KMT2C: variants seen among roughly 807,000 people sequenced by gnomAD.
KMT2C encodes histone-lysine N-methyltransferase 2C.
In KMT2C, 88 loss-of-function variants were observed where a neutral mutation model predicts 507.9. The observed-to-expected ratio is 0.17, with a 90% CI of 0.15 to 0.21. KMT2C has a LOEUF of 0.21. KMT2C is among the 10% of genes least tolerant of loss of function. KMT2C has a pLI of 1.00. For synonymous variants in KMT2C, 2,049 were observed against 2,080.8 expected (o/e 0.98, Z 0.42); for missense variants, 4,954 against 5,957.8 (o/e 0.83, Z 5.55).
chr7:152,159,331 T>C (rs540716301), intron 43 of KMT2C, among the ~76,000 whole-genome samples: 2 of 152,244 alleles, frequency 1.3e-5, no homozygotes, highest in Non-Finnish European at 1.5e-5. Context: ...CAGCCCTTTC[T>C]GGCAAAGCAT....
At chr7:152,362,254 A>T (rs1268870546) in intron 1 of KMT2C, among the ~76,000 whole-genome samples, 2 of 152,234 alleles carry the variant, frequency 1.3e-5, no homozygotes, top group African/African-American at 4.8e-5. Context: ...GGAGAAAAGC[A>T]TTGCAGTAGA....
chr7:152,215,673 C>T (rs1431460082), intron 23 of KMT2C, among the ~76,000 whole-genome samples: 4 of 133,270 alleles, frequency 3.0e-5, no homozygotes, highest in Non-Finnish European at 4.5e-5. Flanking sequence ...ACAAAAGGAA[C>T]AAAATATATA....
chr7:152,183,612 T>C (rs1436808083), intron 34 of KMT2C, among the ~76,000 whole-genome samples: 2 of 151,854 alleles, frequency 1.3e-5, no homozygotes, highest in Non-Finnish European at 2.9e-5. Context: ...AAATACAAAA[T>C]TAGGCCAGGC....
At chr7:152,259,400 T>A (rs570780096) in intron 9 of KMT2C, among the ~76,000 whole-genome samples, 1 of 148,684 alleles carries the variant, frequency 6.7e-6, no homozygotes, top group Admixed American at 6.7e-5. Context: ...CCTCAAATAG[T>A]AGGGGGTTAG....
chr7:152,138,644 A>C lies in KMT2C; in HGVS notation c.14643+152T>G. Reference sequence around the variant, plus strand: ...TGAACTGGAGTGCCTGAAGGGTGAGATACTGCAGGGTGGGAACATCTGGCC... The same window carrying C: ...TGAACTGGAGTGCCTGAAGGGTGAGCTACTGCAGGGTGGGAACATCTGGCC... On this transcript the variant is annotated intron_variant, in intron 58 of 58. Coordinates refer to ENST00000262189, the MANE Select transcript of KMT2C (RefSeq NM_170606.3). This position sits in a 1 kb window ranked among gnomAD's most constrained non-coding sequence, Gnocchi z 4.2. 1 of 564,108 alleles carries C rather than the reference A, an allele frequency of 1.8e-6. No individual in the cohort carries two copies. Among genetic ancestry groups the C allele is most frequent in the Non-Finnish European group, 3.1e-6 (1 of 317,648 alleles). The allele number at this position is 564,108 out of a possible 1,614,324, so 34.9% of individuals were successfully genotyped here.
intron 29 of KMT2C, 58 bp downstream of exon 29, chr7:152,194,382 T>TA (rs1181596973): frequency 5.9e-5 from 92 of 1,546,446 alleles, no homozygotes; most frequent in Non-Finnish European, 7.6e-5. Flanking sequence ...CAAAAATCTT[T>TA]AAAAATCATA....
chr7:152,256,125 G>A (rs2095658022), intron 9 of KMT2C, among the ~76,000 whole-genome samples: 1 of 152,104 alleles, frequency 6.6e-6, no homozygotes, highest in South Asian at 2.1e-4. Flanking sequence ...ACCCAAGATT[G>A]AGCCACTGCA....
Position 152,181,974 on chromosome 7 carries a change from G to T in KMT2C, c.5886C>A (p.Pro1962=). ...LCSSSTTNND[P]YAKPPDTPRP... The stretch of plus-strand genomic sequence containing the variant: ...TAGGTGTGTCTGGAGGTTTTGCATA[G>T]GGGTCATTATTTGTCGTGGAAGAAG... Residue 1962 remains proline, a synonymous_variant, in exon 36 of 59, where the codon CCC becomes CCA. Transcript: ENST00000262189. The T allele has an allele frequency of 1.2e-6, 2 of 1,614,142 alleles. No homozygotes were observed. Among genetic ancestry groups the T allele is most frequent in the Non-Finnish European group, 1.7e-6 (2 of 1,180,036 alleles).
intron 11 of KMT2C, 95 bp from the exon 12 acceptor site, chr7:152,251,061 C>T: frequency 1.5e-6 from 1 of 669,710 alleles, no homozygotes; most frequent in Non-Finnish European, 2.6e-6. Context: ...AAGGGCAAAT[C>T]ATCACCAAAA....
chr7:152,254,472 GA>G (rs2095612709), intron 9 of KMT2C, among the ~76,000 whole-genome samples: 1 of 151,954 alleles, frequency 6.6e-6, no homozygotes, highest in Non-Finnish European at 1.5e-5. Flanking sequence ...GGTCTGAGGA[GA>G]AAAAATTATT....
chr7:152,334,008 A>C (rs2096908719), intron 2 of KMT2C, among the ~76,000 whole-genome samples: 1 of 152,210 alleles, frequency 6.6e-6, no homozygotes, highest in African/African-American at 2.4e-5. Flanking sequence ...GAAAATTTAC[A>C]TTTCTATGTG....
intron 14 of KMT2C, among the ~76,000 whole-genome samples, chr7:152,240,860 C>T (rs2095369755): frequency 6.6e-6 from 1 of 152,168 alleles, no homozygotes; most frequent in Non-Finnish European, 1.5e-5. Context: ...ACCTAACCTG[C>T]TACAAGAGTC....
Position 152,149,116 on chromosome 7 carries a change from C to G in KMT2C, c.12811G>C (p.Glu4271Gln), listed in dbSNP as rs1381654379. 2.0e-6 allele frequency: 3 copies of G among 1,480,960 alleles called. No homozygotes were observed. 91.7% of individuals were successfully genotyped at this position (1,480,960 alleles called of 1,614,324 possible). A position where few individuals can be genotyped will look rare whatever the true frequency, so the allele number is the denominator to read the frequency against. Residue 4271 changes from glutamate to glutamine, a missense_variant, in exon 52 of 59, where the codon GAA becomes CAA. By Grantham distance (29) the Glu-to-Gln change is conservative. Coordinates refer to ENST00000262189, the MANE Select transcript of KMT2C (RefSeq NM_170606.3). Reference sequence around the variant, plus strand: ...TGATGAAATGCTTTGGAAGGCGTTTCTCTCATAGGTGATTGTGGCAATGAA... The same window carrying G: ...TGATGAAATGCTTTGGAAGGCGTTTGTCTCATAGGTGATTGTGGCAATGAA... ...IPSLPQSPMR[E>Q]TPSKAFHQYS...
chr7:152,142,114 T>C (rs770010165), intron 55 of KMT2C, among the ~76,000 whole-genome samples: 9 of 152,246 alleles, frequency 5.9e-5, no homozygotes, highest in Non-Finnish European at 1.0e-4. Context: ...AGCGAAATTG[T>C]ATTTTAAAAA....
At chr7:152,345,878 C>T (rs1370288435) in intron 2 of KMT2C, among the ~76,000 whole-genome samples, 2 of 152,020 alleles carry the variant, frequency 1.3e-5, no homozygotes, top group Non-Finnish European at 2.9e-5. Flanking sequence ...AAAAACCCCA[C>T]TTTAACTATA....
chr7:152,413,896 A>AAAAAAAAAC (rs1375012498), intron 1 of KMT2C, among the ~76,000 whole-genome samples: 1 of 150,896 alleles, frequency 6.6e-6, no homozygotes, highest in Non-Finnish European at 1.5e-5. Context: ...AAAAAAAAAA[A>AAAAAAAAAC]AAAATTTACA....
At chr7:152,346,184 C>T (rs1048011750) in intron 2 of KMT2C, among the ~76,000 whole-genome samples, 6 of 152,144 alleles carry the variant, frequency 3.9e-5, no homozygotes, top group Non-Finnish European at 5.9e-5. Context: ...ATAGATCTGG[C>T]GTGCAGAAAA....
At position 152,162,567 on chromosome 7, in the gene KMT2C, A is replaced by G; in HGVS notation, c.11010T>C (p.Asn3670=). 1 of 1,614,098 alleles carries G rather than the reference A, an allele frequency of 6.2e-7. No homozygotes were observed. The highest frequency in any genetic ancestry group is 1.7e-5 in the Admixed American group (1 of 60,018). The part of the protein sequence containing the change: ...SVEPVGPSTP[N]MAAGQLCTEL... ...CTGTACATAGCTGGCCTGCTGCCAT[A>G]TTGGGAGTGGATGGGCCGACTGGTT... Residue 3670 remains asparagine (N), a synonymous_variant, in exon 43 of 59, where the codon AAT becomes AAC. Transcript: ENST00000262189.
rs1270775670 is a variant in KMT2C at position 152,187,368 on chromosome 7, T to C, written c.4902A>G (p.Arg1634=). The change falls in exon 33 of 59, where the codon AGA becomes AGG. Residue 1634 remains arginine, a synonymous_variant. Transcript: ENST00000262189. ...CCTCTTTCTCCCACTTAAGCGTGCT[T>C]CTCTGGGCATTCGACATTGTGTCAT... is the stretch of plus-strand genomic sequence containing the variant. ...GENDTMSNAQ[R]STLKWEKEEA... 1 of 1,614,022 alleles carries C rather than the reference T, an allele frequency of 6.2e-7. No homozygotes were observed. Among genetic ancestry groups the C allele is most frequent in the African/African-American group, 1.3e-5 (1 of 74,924 alleles).
Sources: gnomAD v4.1 joint callset for allele counts (sites outside exome capture counted in the v4.1 genomes callset) on GRCh38, gnomAD v4.1.1 for gene constraint, Gnocchi (gnomAD v3.1) non-coding constraint, MANE v1.5 for transcripts, NCBI Gene and HGNC (gene_info 2026-07-23, HGNC 2026-07-21) for gene names.